ABCA13: variants seen among roughly 807,000 people sequenced by gnomAD.
ABCA13 encodes the protein ATP-binding cassette sub-family A member 13.
ABCA13 carries 476 observed loss-of-function variants against 478.7 expected under a neutral mutation model. The observed-to-expected ratio is 0.99, with a 90% CI of 0.92 to 1.07. The LOEUF is 1.07. Among genes scored for constraint, ABCA13 ranks in the 50% least tolerant of loss-of-function variants. The pLI is 0.00. For missense variants in ABCA13, 6,060 were observed against 5,910.6 expected (o/e 1.03, Z -0.83); for synonymous variants, 2,252 against 2,158.9 (o/e 1.04, Z -1.20).
chr7:48,317,091 A>C (rs1001867670), intron 26 of ABCA13, 66 bp from the exon 27 acceptor site: 3 of 1,532,630 alleles, frequency 2.0e-6, no homozygotes, highest in Middle Eastern at 1.8e-4. Flanking sequence ...TATGTGAATG[A>C]ATTTCCCTAT....
chr7:48,232,108 T>C (rs1181817958), intron 7 of ABCA13, among the ~76,000 whole-genome samples: 4 of 145,258 alleles, frequency 2.8e-5, no homozygotes, highest in Non-Finnish European at 6.0e-5. Flanking sequence ...TTCTTGTTGC[T>C]TGTGACTCAG....
intron 41 of ABCA13, among the ~76,000 whole-genome samples, chr7:48,426,649 T>G (rs1408109195): frequency 6.6e-6 from 1 of 151,988 alleles, no homozygotes; most frequent in Non-Finnish European, 1.5e-5. Context: ...GGGACCAATA[T>G]CTCTATGGAT....
In ABCA13 at chr7:48,482,049, T is replaced by A. The variant is rs1464593791; in HGVS notation, c.13094+895T>A. On this transcript the variant is annotated intron_variant, in intron 46 of 61. Coordinates refer to ENST00000435803, the MANE Select transcript of ABCA13 (RefSeq NM_152701.5). The stretch of plus-strand genomic sequence containing the variant: ...TTAGATAATAGTTAACATTATATTT[T>A]TTTAAATGTTAACCCTTTTTTTGAA... 2.0e-5 allele frequency among the ~76,000 whole-genome samples: 3 copies of A among 152,282 alleles called. 1 individual carries two copies. The East Asian group carries it at 5.8e-4, about 29-fold the overall frequency.
At chr7:48,363,323 C>T (rs1008906160) in intron 31 of ABCA13, among the ~76,000 whole-genome samples, 24 of 152,112 alleles carry the variant, frequency 1.6e-4, no homozygotes, top group Non-Finnish European at 1.5e-5. Flanking sequence ...AAATCTGGGG[C>T]CACATTGTTA....
chr7:48,637,626 A>G (rs1794779560), intron 59 of ABCA13, among the ~76,000 whole-genome samples: 1 of 152,094 alleles, frequency 6.6e-6, no homozygotes. Flanking sequence ...CTGTCACCTC[A>G]CCACCTTGGA....
chr7:48,599,182 T>C (rs979705864), intron 58 of ABCA13, among the ~76,000 whole-genome samples: 3 of 152,034 alleles, frequency 2.0e-5, no homozygotes, highest in African/African-American at 7.2e-5. Context: ...TCTCTTGTGA[T>C]TACTTCTTTG....
chr7:48,363,912 A>G (rs1344018992), intron 31 of ABCA13, among the ~76,000 whole-genome samples: 1 of 152,192 alleles, frequency 6.6e-6, no homozygotes, highest in Non-Finnish European at 1.5e-5. Flanking sequence ...GACAAAAAGT[A>G]TGTTCACTAT....
chr7:48,259,481 A>G (rs1383918472), intron 15 of ABCA13, among the ~76,000 whole-genome samples: 1 of 151,614 alleles, frequency 6.6e-6, no homozygotes, highest in East Asian at 1.9e-4. Context: ...CTTTTCTTTC[A>G]GCTTATGGGT....
chr7:48,451,524 T>G (rs1313322632), intron 42 of ABCA13, among the ~76,000 whole-genome samples: 1 of 152,190 alleles, frequency 6.6e-6, no homozygotes, highest in Non-Finnish European at 1.5e-5. Context: ...CTATATTGAT[T>G]AGTTTAAAAA....
chr7:48,428,201 G>A (rs1174241694), intron 42 of ABCA13, among the ~76,000 whole-genome samples: 1 of 152,110 alleles, frequency 6.6e-6, no homozygotes, highest in Non-Finnish European at 1.5e-5. Flanking sequence ...AACTGATCTG[G>A]CCTACCTGCG....
intron 59 of ABCA13, among the ~76,000 whole-genome samples, chr7:48,617,553 A>T (rs1792703812): frequency 6.6e-6 from 1 of 152,152 alleles, no homozygotes; most frequent in East Asian, 1.9e-4. Context: ...GAGCTACAGA[A>T]ATCCCACAGA....
At chr7:48,201,460 G>A (rs1584142670) in intron 3 of ABCA13, among the ~76,000 whole-genome samples, 1 of 152,190 alleles carries the variant, frequency 6.6e-6, no homozygotes, top group Middle Eastern at 3.4e-3. Flanking sequence ...AGACCAACTC[G>A]TCTGGCATCC....
At chr7:48,183,209 G>T (rs1364927097) in intron 1 of ABCA13, among the ~76,000 whole-genome samples, 1 of 152,006 alleles carries the variant, frequency 6.6e-6, no homozygotes, top group Admixed American at 6.6e-5. Flanking sequence ...TACAATTTTA[G>T]TTTTTGTACC....
rs972957847 is a variant in ABCA13 at position 48,245,897 on chromosome 7, G to T, written c.1526G>T (p.Arg509Leu). The T allele has an allele frequency of 6.2e-7, 1 of 1,613,274 alleles. No homozygotes were observed. The highest frequency in any genetic ancestry group is 1.3e-5 in the African/African-American group (1 of 74,972). Reference sequence around the variant, plus strand: ...AAGAATGCTGTCTGCCCGAATGGTCGTTTCTCTGAGAAGGAGGTCTTTTTG... The same window carrying T: ...AAGAATGCTGTCTGCCCGAATGGTCTTTTCTCTGAGAAGGAGGTCTTTTTG... ...LAKNAVCPNG[R>L]FSEKEVFLPP... The change falls in exon 13 of 62, where the codon CGT becomes CTT. Residue 509 changes from arginine (R) to leucine (L), a missense_variant. Physicochemically the swap from Arg to Leu is moderately radical, Grantham distance 102. Around this residue, in one of 3 missense-constraint regions of ABCA13, gnomAD observed 4,423 missense variants for 4,309.1 expected, o/e 1.03. Coordinates refer to ENST00000435803, the MANE Select transcript of ABCA13 (RefSeq NM_152701.5).
rs115788044 is a variant in ABCA13, at chr7:48,631,434, G to A, written c.14838-11854G>A. 8.6e-3 allele frequency among the ~76,000 whole-genome samples: 1,312 copies of A among 152,036 alleles called. 19 individuals carry two copies. The highest frequency in any genetic ancestry group is 0.029 in the African/African-American group (1,222 of 41,498). On this transcript the variant is annotated intron_variant, in intron 59 of 61. Coordinates refer to ENST00000435803, the MANE Select transcript of ABCA13 (RefSeq NM_152701.5). ...AGTCCTTTCCCCATTGTTTATTTTT[G>A]TCAGCTTTGCTAAAGATTAGATAGT...
Position 48,501,365 on chromosome 7 carries a change from T to C in ABCA13, c.13292-4971T>C, listed in dbSNP as rs112485312. ...ATGCTTAGGAATTGTCCAAGAGCTC[T>C]GAGCACTAAGCAGAAAGGCCCCATT... is the stretch of plus-strand genomic sequence containing the variant. On this transcript the variant is annotated intron_variant, in intron 48 of 61. Transcript: ENST00000435803. Among the ~76,000 whole-genome samples, 8 of 152,306 alleles carry C rather than the reference T, an allele frequency of 5.3e-5. 1 individual carries two copies. The highest frequency in any genetic ancestry group is 1.9e-4 in the African/African-American group (8 of 41,564).
intron 41 of ABCA13, among the ~76,000 whole-genome samples, chr7:48,414,658 G>A (rs1423581059): frequency 1.3e-5 from 2 of 151,040 alleles, no homozygotes; most frequent in Non-Finnish European, 2.9e-5. Context: ...TATATGTTCA[G>A]GGTTTCGTTG....
At chr7:48,249,993 G>A (rs1377446054) in intron 15 of ABCA13, among the ~76,000 whole-genome samples, 1 of 152,160 alleles carries the variant, frequency 6.6e-6, no homozygotes, top group African/African-American at 2.4e-5. Context: ...CCCAAGTCCA[G>A]GCTTCCCTTC....
At chr7:48,314,761 A>G (rs1428700367) in intron 26 of ABCA13, among the ~76,000 whole-genome samples, 2 of 152,198 alleles carry the variant, frequency 1.3e-5, no homozygotes, top group African/African-American at 4.8e-5. Context: ...GCTATATTAT[A>G]ATAACGAAGA....
Sources: allele counts gnomAD v4.1 joint callset (sites outside exome capture counted in the v4.1 genomes callset), GRCh38; gene constraint gnomAD v4.1.1; regional missense constraint gnomAD v4.1.1; transcripts MANE v1.5; gene names NCBI Gene and HGNC (gene_info 2026-07-23, HGNC 2026-07-21).